The following CNTN5 variants were observed in gnomAD, a reference collection of about 807,000 sequenced individuals.
The protein encoded by CNTN5 is contactin-5.
Under a neutral mutation model 129.1 loss-of-function variants are expected in CNTN5, and 77 were observed. That is an observed-to-expected ratio of 0.60 (90% confidence interval 0.50 to 0.72). The LOEUF (loss-of-function observed/expected upper bound fraction) is 0.72. CNTN5 is among the 30% of genes least tolerant of loss of function. CNTN5 has a pLI of 0.00. For missense variants in CNTN5, 1,478 were observed against 1,328.8 expected (o/e 1.11, Z -1.75); for synonymous variants, 509 against 465.6 (o/e 1.09, Z -1.20).
intron 8 of CNTN5, among the ~76,000 whole-genome samples, chr11:99,990,467 C>CACAT (rs1565761632): frequency 2.0e-5 from 3 of 151,332 alleles, no homozygotes; most frequent in Non-Finnish European, 4.4e-5. Context: ...CACACACACA[C>CACAT]ACACACACAC....
chr11:99,560,117 T>A (rs1948792633), intron 3 of CNTN5, among the ~76,000 whole-genome samples: 2 of 152,086 alleles, frequency 1.3e-5, no homozygotes, highest in East Asian at 3.8e-4. Context: ...TATGATACTA[T>A]AATCATGGAT....
intron 6 of CNTN5, among the ~76,000 whole-genome samples, chr11:99,915,082 C>A (rs1386631508): frequency 6.6e-6 from 1 of 152,016 alleles, no homozygotes; most frequent in Non-Finnish European, 1.5e-5. Flanking sequence ...GAAGAAATGG[C>A]AGAACATTTC....
At chr11:99,577,460 G>A (rs1489521195) in intron 3 of CNTN5, among the ~76,000 whole-genome samples, 1 of 152,072 alleles carries the variant, frequency 6.6e-6, no homozygotes, top group Non-Finnish European at 1.5e-5. Flanking sequence ...ACAAATAGAT[G>A]TTTTTACTAG....
chr11:99,512,323 G>A (rs183017637), intron 2 of CNTN5, among the ~76,000 whole-genome samples: 1 of 152,174 alleles, frequency 6.6e-6, no homozygotes, highest in Non-Finnish European at 1.5e-5. Context: ...TAGCCTAGGA[G>A]CAGCAGGCTA....
chr11:99,867,925 A>G (rs554105891), intron 6 of CNTN5, among the ~76,000 whole-genome samples: 1 of 152,136 alleles, frequency 6.6e-6, no homozygotes, highest in African/African-American at 2.4e-5. Context: ...AGTGTTCTAC[A>G]TAAAACTGGC....
intron 2 of CNTN5, among the ~76,000 whole-genome samples, chr11:99,335,151 A>G (rs1393447252): frequency 1.3e-5 from 2 of 152,164 alleles, no homozygotes; most frequent in Non-Finnish European, 2.9e-5. Flanking sequence ...AAGCTGTTCT[A>G]TGATTGATTC....
At chr11:99,218,116 G>C (rs2085902) in intron 1 of CNTN5, among the ~76,000 whole-genome samples, 5,723 of 152,024 alleles carry the variant, frequency 0.038, 278 homozygotes, top group African/African-American at 0.11. Context: ...TCCTTCCTTT[G>C]CCAAATCTAA....
intron 2 of CNTN5, among the ~76,000 whole-genome samples, chr11:99,461,644 G>A (rs1194029179): frequency 1.3e-5 from 2 of 152,078 alleles, no homozygotes; most frequent in Admixed American, 6.5e-5. Flanking sequence ...TCTGACTGGA[G>A]CTGAGCCTGT....
At chr11:99,690,878 C>T (rs1954013110) in intron 3 of CNTN5, among the ~76,000 whole-genome samples, 1 of 152,060 alleles carries the variant, frequency 6.6e-6, no homozygotes, top group Admixed American at 6.6e-5. Flanking sequence ...AGCTCTCAGC[C>T]TGTCTGGTCT....
intron 1 of CNTN5, among the ~76,000 whole-genome samples, chr11:99,240,682 T>C (rs1861501976): frequency 6.6e-6 from 1 of 152,184 alleles, no homozygotes; most frequent in African/African-American, 2.4e-5. Flanking sequence ...TGAATTCCAA[T>C]GCTGAACCCT....
intron 3 of CNTN5, among the ~76,000 whole-genome samples, chr11:99,612,549 T>C (rs1950622770): frequency 6.6e-6 from 1 of 152,208 alleles, no homozygotes; most frequent in African/African-American, 2.4e-5. Flanking sequence ...TATTGTCTTC[T>C]TTAGTCTTTT....
intron 1 of CNTN5, among the ~76,000 whole-genome samples, chr11:99,223,181 C>T (rs1168684983): frequency 1.3e-5 from 2 of 152,132 alleles, no homozygotes; most frequent in Non-Finnish European, 2.9e-5. Context: ...TTATCCTATC[C>T]TATTCTGTTC....
intron 13 of CNTN5, among the ~76,000 whole-genome samples, chr11:100,168,920 G>C (rs529086471): frequency 1.3e-5 from 2 of 151,004 alleles, no homozygotes; most frequent in East Asian, 3.9e-4. Context: ...GGAAGAATTT[G>C]ATTCCAACCC....
At chr11:100,351,992 T>A (rs1952426802) in intron 24 of CNTN5, among the ~76,000 whole-genome samples, 1 of 151,610 alleles carries the variant, frequency 6.6e-6, no homozygotes, top group African/African-American at 2.4e-5. Flanking sequence ...GAGGAAAAGC[T>A]ACTGACATAA....
intron 3 of CNTN5, among the ~76,000 whole-genome samples, chr11:99,756,711 T>C (rs1273010193): frequency 2.0e-5 from 3 of 152,036 alleles, no homozygotes; most frequent in African/African-American, 7.2e-5. Context: ...GCAGATCTTA[T>C]AGATGTACTT....
chr11:99,784,865 T>C (rs1336672501), intron 3 of CNTN5, among the ~76,000 whole-genome samples: 1 of 144,354 alleles, frequency 6.9e-6, no homozygotes, highest in East Asian at 2.2e-4. Flanking sequence ...AGTGACGCGA[T>C]CTCGACTCAC....
chr11:99,994,481 T>A (rs4418773), intron 8 of CNTN5, among the ~76,000 whole-genome samples: 2 of 151,924 alleles, frequency 1.3e-5, no homozygotes, highest in African/African-American at 2.4e-5. Context: ...GACAATTTAC[T>A]AGAAATAATT....
At chr11:100,200,388 T>C (rs1948749196) in intron 15 of CNTN5, among the ~76,000 whole-genome samples, 2 of 151,992 alleles carry the variant, frequency 1.3e-5, no homozygotes, top group Admixed American at 6.6e-5. Context: ...TTTGTTCATC[T>C]AAATATAATC....
intron 2 of CNTN5, among the ~76,000 whole-genome samples, chr11:99,350,220 C>A (rs1476384869): frequency 2.0e-5 from 3 of 151,814 alleles, no homozygotes; most frequent in Admixed American, 2.0e-4. Context: ...TTAATAATTG[C>A]TATGTATATG....
Sources: gnomAD v4.1 joint callset for allele counts (sites outside exome capture counted in the v4.1 genomes callset) on GRCh38, gnomAD v4.1.1 for gene constraint, MANE v1.5 for transcripts, NCBI Gene and HGNC (gene_info 2026-07-23, HGNC 2026-07-21) for gene names.